The following AHCYL2 variants were observed in gnomAD, a reference collection of about 807,000 sequenced individuals.
AHCYL2 encodes the protein S-adenosylhomocysteine hydrolase-like protein 2.
Under a neutral mutation model 81.4 loss-of-function variants are expected in AHCYL2, and 28 were observed. That is an observed-to-expected ratio of 0.34 (90% CI 0.25 to 0.47). The LOEUF (loss-of-function observed/expected upper bound fraction) is 0.47, where lower values mean the gene tolerates loss of function less well. Among genes scored for constraint, AHCYL2 ranks in the 20% least tolerant of loss-of-function variants. The probability of loss-of-function intolerance (pLI) is 1.00; values close to 1 mark genes in which losing one functional copy is unlikely to be tolerated. For synonymous variants in AHCYL2, 272 were observed against 290.2 expected, an observed-to-expected ratio of 0.94 and a Z score of 0.64; for missense variants, 551 against 785.1, an observed-to-expected ratio of 0.70 and a Z score of 3.56.
chr7:129,272,935 A>T (rs1796070376), intron 1 of AHCYL2, among the ~76,000 whole-genome samples: 1 of 151,926 alleles, frequency 6.6e-6, no homozygotes, highest in Non-Finnish European at 1.5e-5. Flanking sequence ...TTATTTTGAG[A>T]TAGTTTTTCT....
intron 1 of AHCYL2, among the ~76,000 whole-genome samples, chr7:129,345,042 C>T (rs1793312672): frequency 6.6e-6 from 1 of 152,204 alleles, no homozygotes; most frequent in Admixed American, 6.5e-5. Context: ...GTAATCCCAG[C>T]TACTCGGGAG....
chr7:129,396,363 G>A (rs979000067), intron 4 of AHCYL2, among the ~76,000 whole-genome samples: 2 of 151,976 alleles, frequency 1.3e-5, no homozygotes, highest in Admixed American at 1.3e-4. Context: ...CTGACCTTGT[G>A]ATCTGCCCGC....
At chr7:129,355,202 A>G (rs1793695716) in intron 1 of AHCYL2, among the ~76,000 whole-genome samples, 1 of 151,354 alleles carries the variant, frequency 6.6e-6, no homozygotes, top group Non-Finnish European at 1.5e-5. Context: ...GTTTAGTGCC[A>G]TATATTTTTG....
chr7:129,228,088 C>A (rs1410560355), intron 1 of AHCYL2, among the ~76,000 whole-genome samples: 4 of 152,196 alleles, frequency 2.6e-5, no homozygotes, highest in African/African-American at 9.6e-5. Context: ...ATGTAAATAA[C>A]CACTTTGACC....
At chr7:129,349,189 T>A (rs1793464110) in intron 1 of AHCYL2, among the ~76,000 whole-genome samples, 1 of 152,194 alleles carries the variant, frequency 6.6e-6, no homozygotes, top group Non-Finnish European at 1.5e-5. Context: ...TGAAAATGTT[T>A]TGATTCTATC....
intron 1 of AHCYL2, among the ~76,000 whole-genome samples, chr7:129,276,521 C>A (rs1796212214): frequency 6.6e-6 from 1 of 151,326 alleles, no homozygotes; most frequent in South Asian, 2.1e-4. Flanking sequence ...GAGGCTGAGG[C>A]AGGTGGATCA....
chr7:129,400,448 G>A, intron 6 of AHCYL2, 64 bp downstream of exon 6: 1 of 1,461,142 alleles, frequency 6.8e-7, no homozygotes, highest in Non-Finnish European at 9.4e-7. Context: ...TGGAGGTTAT[G>A]GCCTAGGAGA....
intron 1 of AHCYL2, among the ~76,000 whole-genome samples, chr7:129,226,522 C>G (rs971468227): frequency 2.0e-5 from 3 of 152,132 alleles, no homozygotes; most frequent in African/African-American, 7.2e-5. Flanking sequence ...TTTTTAATTG[C>G]TTTATCAGAA....
intron 1 of AHCYL2, among the ~76,000 whole-genome samples, chr7:129,362,597 GTT>G (rs769346623): frequency 0.044 from 2,768 of 63,632 alleles, 23 homozygotes; most frequent in African/African-American, 0.051. Flanking sequence ...TGGTTTTCTT[GTT>G]TTTTTTTTTT....
At chr7:129,300,527 A>T (rs891127041) in intron 1 of AHCYL2, among the ~76,000 whole-genome samples, 3 of 152,286 alleles carry the variant, frequency 2.0e-5, no homozygotes, top group African/African-American at 7.2e-5. Context: ...TACCACATTT[A>T]AAAAAATCTA....
chr7:129,348,935 G>T (rs1793454965), intron 1 of AHCYL2, among the ~76,000 whole-genome samples: 1 of 152,148 alleles, frequency 6.6e-6, no homozygotes. Flanking sequence ...GCCCTAAAAA[G>T]TTAAAACACA....
At chr7:129,347,712 T>C (rs1048069380) in intron 1 of AHCYL2, among the ~76,000 whole-genome samples, 3 of 152,184 alleles carry the variant, frequency 2.0e-5, no homozygotes. Context: ...GCTTAATGAA[T>C]GTACAGATAC....
chr7:129,274,528 A>G (rs1429311514), intron 1 of AHCYL2, among the ~76,000 whole-genome samples: 1 of 152,114 alleles, frequency 6.6e-6, no homozygotes, highest in Non-Finnish European at 1.5e-5. Context: ...CCTTCTTGCT[A>G]TTCAGTGGTG....
Position 129,417,810 on chromosome 7 carries a change from A to G in AHCYL2, c.1461+4122A>G, listed in dbSNP as rs1796929873. 2.0e-5 allele frequency among the ~76,000 whole-genome samples: 3 copies of G among 152,362 alleles called. No homozygotes were observed. In the South Asian group the frequency reaches 6.2e-4, roughly 32 times the overall value. ...AATACCTGCTCTGTGCCAGATACCA[A>G]TTTACTAAACAAATGACAGTGAACA... is the stretch of plus-strand genomic sequence containing the variant. On this transcript the variant is annotated intron_variant, in intron 12 of 16. Coordinates refer to ENST00000325006, the MANE Select transcript of AHCYL2 (RefSeq NM_015328.4).
At chr7:129,243,659 G>A (rs1794943730) in intron 1 of AHCYL2, among the ~76,000 whole-genome samples, 2 of 152,024 alleles carry the variant, frequency 1.3e-5, no homozygotes, top group Admixed American at 6.6e-5. Context: ...TAGACTCACT[G>A]CAAGCTCCAC....
intron 1 of AHCYL2, among the ~76,000 whole-genome samples, chr7:129,268,861 A>G (rs1213574368): frequency 6.6e-6 from 1 of 152,238 alleles, no homozygotes; most frequent in African/African-American, 2.4e-5. Flanking sequence ...ACTCATTTAA[A>G]GCATACAATT....
intron 1 of AHCYL2, among the ~76,000 whole-genome samples, chr7:129,245,879 G>A (rs1170762788): frequency 6.6e-6 from 1 of 152,170 alleles, no homozygotes; most frequent in East Asian, 1.9e-4. Flanking sequence ...AAATGGAATT[G>A]CTGGGTTATA....
chr7:129,235,460 T>C (rs1794611208), intron 1 of AHCYL2, among the ~76,000 whole-genome samples: 1 of 152,124 alleles, frequency 6.6e-6, no homozygotes, highest in Non-Finnish European at 1.5e-5. Context: ...TCTCACTGTG[T>C]CACCCAGGCT....
At chr7:129,387,663 AT>A (rs1795262141) in intron 2 of AHCYL2, among the ~76,000 whole-genome samples, 1 of 152,202 alleles carries the variant, frequency 6.6e-6, no homozygotes, top group African/African-American at 2.4e-5. Context: ...GTATTTCTGA[AT>A]ATTGATTAGT....
Sources: gnomAD v4.1 joint callset for allele counts (sites outside exome capture counted in the v4.1 genomes callset) on GRCh38, gnomAD v4.1.1 for gene constraint, MANE v1.5 for transcripts, NCBI Gene and HGNC (gene_info 2026-07-23, HGNC 2026-07-21) for gene names.